GFPT1: variants seen among roughly 807,000 people sequenced by gnomAD.
GFPT1 encodes the protein glutamine--fructose-6-phosphate transaminase 1.
GFPT1 carries 40 observed loss-of-function variants against 92.0 expected under a neutral mutation model. The observed-to-expected ratio is 0.43, with a 90% confidence interval of 0.34 to 0.57. GFPT1 has a LOEUF of 0.57. Ranked by LOEUF, GFPT1 falls within the 20% of genes least tolerant of loss-of-function variation. The pLI is 0.02. For missense variants in GFPT1, 448 were observed against 869.1 expected, an observed-to-expected ratio of 0.52 and a Z score of 6.09; for synonymous variants, 269 against 280.6, an observed-to-expected ratio of 0.96 and a Z score of 0.41.
chr2:69,329,578 T>C (rs1670611007), intron 16 of GFPT1, 106 bp downstream of exon 16: 1 of 966,414 alleles, frequency 1.0e-6, no homozygotes, highest in Non-Finnish European at 1.7e-6. Context: ...CGTAGAAAGA[T>C]CTTATTGACT....
At chr2:69,353,303 G>C (rs1382296164) in intron 9 of GFPT1, among the ~76,000 whole-genome samples, 1 of 152,136 alleles carries the variant, frequency 6.6e-6, no homozygotes, top group Non-Finnish European at 1.5e-5. Context: ...TTAGGAGGTT[G>C]AGGTGGGAGG....
chr2:69,355,756 C>G (rs1671321115), intron 7 of GFPT1, among the ~76,000 whole-genome samples: 1 of 152,118 alleles, frequency 6.6e-6, no homozygotes, highest in African/African-American at 2.4e-5. Context: ...ACCATAATAT[C>G]TTAGGGCGCC....
chr2:69,334,710 G>A (rs1486991122), intron 15 of GFPT1: 1 of 152,042 alleles, frequency 6.6e-6, no homozygotes, highest in East Asian at 1.9e-4. Flanking sequence ...ACAAACTTCA[G>A]GCTAAATGAA....
At position 69,323,055 on chromosome 2, in the gene GFPT1, T is replaced by C. The variant is rs79748218; in HGVS notation, c.*3134A>G. The C allele has an allele frequency of 3.4e-4, 52 of 152,390 alleles. No homozygotes were observed. In the East Asian group the frequency reaches 9.2e-3, roughly 27 times the overall value. The allele number at this position is 152,390 out of a possible 1,614,324, so 9.4% of individuals were successfully genotyped here. A position where few individuals can be genotyped will look rare whatever the true frequency, so the allele number is the denominator to read the frequency against. ...CATAATAGGTATTAATAAACACTTG[T>C]TGACATAGTTATAATAAGCTAAAAA... On this transcript the variant is annotated 3_prime_UTR_variant, in exon 20 of 20. Coordinates refer to ENST00000357308, the MANE Select transcript of GFPT1 (RefSeq NM_001244710.2).
In GFPT1 at chr2:69,324,683, A is replaced by T. The variant is rs1670489030; in HGVS notation, c.*1506T>A. 6.6e-6 allele frequency: 1 copy of T among 152,188 alleles called. No individual in the cohort carries two copies. Among genetic ancestry groups the T allele is most frequent in the Admixed American group, 6.5e-5 (1 of 15,276 alleles). The allele number at this position is 152,188 out of a possible 1,614,324, so 9.4% of individuals were successfully genotyped here. The stretch of plus-strand genomic sequence containing the variant: ...CACCCAGAAGTTAAAACAAGAAAAG[A>T]AAGAAAAGAAAGGAAAAAACAGCTT... On this transcript the variant is annotated 3_prime_UTR_variant, in exon 20 of 20. Transcript: ENST00000357308.
chr2:69,356,625 C>G, intron 6 of GFPT1, 68 bp from the exon 7 acceptor site: 2 of 1,116,184 alleles, frequency 1.8e-6, no homozygotes, highest in South Asian at 2.5e-5. Flanking sequence ...CTAGAACATA[C>G]TGGCTTCAGC....
intron 17 of GFPT1, 83 bp from the exon 18 acceptor site, chr2:69,328,521 T>G: frequency 2.1e-6 from 2 of 967,336 alleles, no homozygotes; most frequent in East Asian, 2.5e-5. Context: ...GCATCTGATA[T>G]GTCAAGCCAC....
intron 3 of GFPT1, among the ~76,000 whole-genome samples, chr2:69,364,994 CAAA>C (rs58848043): frequency 1.1e-4 from 5 of 44,164 alleles, no homozygotes; most frequent in African/African-American, 4.1e-4. Context: ...GACTCCCTCT[CAAA>C]AAAAAAAAAA....
In GFPT1 at chr2:69,373,052, T is replaced by C. The variant is rs1256496552; in HGVS notation, c.115+954A>G. 2.0e-5 allele frequency among the ~76,000 whole-genome samples: 3 copies of C among 152,224 alleles called. No homozygotes were observed. In the East Asian group the frequency reaches 5.8e-4, roughly 29 times the overall value. On this transcript the variant is annotated intron_variant, in intron 2 of 19. Coordinates refer to ENST00000357308, the MANE Select transcript of GFPT1 (RefSeq NM_001244710.2). ...GGGTGCCTATGTGACCAACCCCCAA[T>C]GAAAACCTTAGGCACTGATCCACTG...
At chr2:69,385,318 T>C (rs993630377) in intron 1 of GFPT1, among the ~76,000 whole-genome samples, 2 of 152,094 alleles carry the variant, frequency 1.3e-5, no homozygotes, top group Non-Finnish European at 2.9e-5. Flanking sequence ...CTCCACCTCC[T>C]GGGTTCAAGC....
chr2:69,331,582 G>A lies in GFPT1; in HGVS notation c.1483-1784C>T, dbSNP rs188850701. ...TGCATTTTTGGTGTGATGTAACAAGGGTTTTAATATAATTTATGTTAGATT... is the reference window on the plus strand; with the variant it reads ...TGCATTTTTGGTGTGATGTAACAAGAGTTTTAATATAATTTATGTTAGATT... On this transcript the variant is annotated intron_variant, in intron 15 of 19. Transcript: ENST00000357308. Among the ~76,000 whole-genome samples the A allele has an allele frequency of 9.7e-4, 148 of 151,872 alleles. 1 individual carries two copies. The highest frequency in any genetic ancestry group is 1.5e-3 in the Admixed American group (23 of 15,266).
At chr2:69,362,261 T>G (rs1445111728) in intron 4 of GFPT1, among the ~76,000 whole-genome samples, 1 of 152,036 alleles carries the variant, frequency 6.6e-6, no homozygotes, top group African/African-American at 2.4e-5. Flanking sequence ...CCTGAGTAGC[T>G]GGGACTATGG....
At position 69,356,566 on chromosome 2, in the gene GFPT1, G is replaced by T. The variant is rs1020462509; in HGVS notation, c.544-9C>A. 1.0e-5 allele frequency: 16 copies of T among 1,606,972 alleles called. No individual in the cohort carries two copies. The highest frequency in any genetic ancestry group is 1.4e-5 in the Non-Finnish European group (16 of 1,173,812). On this transcript the variant is annotated splice_polypyrimidine_tract_variant and intron_variant, in intron 6 of 19. Coordinates refer to ENST00000357308, the MANE Select transcript of GFPT1 (RefSeq NM_001244710.2). ...AGTGCAAAAGCACCTTCCTAGGGAGGGAAAAAAATCCATTAGCACTATTTA... is the reference window on the plus strand; with the variant it reads ...AGTGCAAAAGCACCTTCCTAGGGAGTGAAAAAAATCCATTAGCACTATTTA...
chr2:69,354,198 T>C (rs1671278610), intron 9 of GFPT1, 61 bp downstream of exon 9: 1 of 1,140,996 alleles, frequency 8.8e-7, no homozygotes, highest in Non-Finnish European at 1.3e-6. Flanking sequence ...ACAAAAGAAT[T>C]AGTAAAGAAT....
At chr2:69,354,597 A>C in intron 7 of GFPT1, 29 bp from the exon 8 acceptor site, 1 of 1,335,214 alleles carries the variant, frequency 7.5e-7, no homozygotes, top group Non-Finnish European at 1.1e-6. Flanking sequence ...GTTAGAATTA[A>C]ACCATTTTTA....
At chr2:69,365,874 G>A (rs576430785) in intron 3 of GFPT1, among the ~76,000 whole-genome samples, 15 of 151,980 alleles carry the variant, frequency 9.9e-5, no homozygotes, top group Middle Eastern at 3.4e-3. Context: ...GTACAATGGC[G>A]CAATCTTGGC....
intron 1 of GFPT1, among the ~76,000 whole-genome samples, chr2:69,376,912 T>C (rs1053203751): frequency 3.3e-5 from 5 of 152,186 alleles, no homozygotes; most frequent in Admixed American, 6.5e-5. Flanking sequence ...CTCTACTTTT[T>C]TTTAAAGATT....
At chr2:69,343,722 C>CT (rs1671012844) in intron 12 of GFPT1, among the ~76,000 whole-genome samples, 1 of 152,080 alleles carries the variant, frequency 6.6e-6, no homozygotes, top group South Asian at 2.1e-4. Flanking sequence ...AGTCCACCTT[C>CT]TTTTTTATCT....
At chr2:69,336,029 C>A (rs1285748225) in intron 15 of GFPT1, among the ~76,000 whole-genome samples, 2 of 107,906 alleles carry the variant, frequency 1.9e-5, no homozygotes, top group African/African-American at 8.9e-5. Flanking sequence ...GAGACCCTGT[C>A]TCCAAAAAAA....
Sources: allele counts gnomAD v4.1 joint callset (sites outside exome capture counted in the v4.1 genomes callset), GRCh38; gene constraint gnomAD v4.1.1; transcripts MANE v1.5; gene names NCBI Gene and HGNC (gene_info 2026-07-23, HGNC 2026-07-21).